AKAP9: variants seen among roughly 807,000 people sequenced by gnomAD.
AKAP9 encodes A-kinase anchor protein 9.
Under a neutral mutation model 488.5 loss-of-function variants are expected in AKAP9, and 311 were observed. That is an observed-to-expected ratio of 0.64 (90% CI 0.58 to 0.70). The LOEUF (loss-of-function observed/expected upper bound fraction) is 0.70, where lower values mean the gene tolerates loss of function less well. Ranked by LOEUF, AKAP9 falls within the 30% of genes least tolerant of loss-of-function variation. AKAP9 has a pLI of 0.00. For synonymous variants in AKAP9, 1,462 were observed against 1,483.5 expected, an observed-to-expected ratio of 0.99 and a Z score of 0.33; for missense variants, 4,215 against 4,374.5, an observed-to-expected ratio of 0.96 and a Z score of 1.03.
chr7:92,073,482 G>A (rs1362831101), intron 28 of AKAP9, among the ~76,000 whole-genome samples: 2 of 151,800 alleles, frequency 1.3e-5, no homozygotes, highest in Non-Finnish European at 2.9e-5. Flanking sequence ...CTCTAGCGTG[G>A]GCAACAGAGT....
chr7:91,992,068 C>T, intron 3 of AKAP9, 90 bp from the exon 4 acceptor site: 2 of 1,045,970 alleles, frequency 1.9e-6, no homozygotes, highest in Non-Finnish European at 3.0e-6. Context: ...GAATAAAAGA[C>T]ATACACGTGA....
chr7:92,098,309 TTA>T, intron 43 of AKAP9, 95 bp downstream of exon 43: 1 of 684,726 alleles, frequency 1.5e-6, no homozygotes, highest in Non-Finnish European at 2.5e-6. Flanking sequence ...TTTATACTCT[TTA>T]TAGAGTTTTA....
chr7:91,992,768 C>A, intron 4 of AKAP9, 117 bp from the exon 5 acceptor site: 3 of 922,194 alleles, frequency 3.3e-6, no homozygotes, highest in Non-Finnish European at 5.0e-6. Context: ...ATACCATAAT[C>A]TTCCAGGTGG....
chr7:92,023,240 T>C (rs1342500455), intron 14 of AKAP9, among the ~76,000 whole-genome samples: 2 of 152,238 alleles, frequency 1.3e-5, no homozygotes, highest in East Asian at 3.8e-4. Context: ...AATTTTTACA[T>C]TATAAAGATG....
intron 1 of AKAP9, among the ~76,000 whole-genome samples, chr7:91,951,888 A>T (rs1792300925): frequency 6.6e-6 from 1 of 152,112 alleles, no homozygotes; most frequent in South Asian, 2.1e-4. Flanking sequence ...AAATAAAAAT[A>T]AAAAATAAAA....
At chr7:92,073,828 A>C (rs375239454) in intron 28 of AKAP9, among the ~76,000 whole-genome samples, 1 of 152,202 alleles carries the variant, frequency 6.6e-6, no homozygotes, top group Non-Finnish European at 1.5e-5. Context: ...TGCACATGCA[A>C]ATCACCCAGG....
intron 7 of AKAP9, among the ~76,000 whole-genome samples, chr7:91,996,241 A>G (rs1465506234): frequency 6.6e-6 from 1 of 152,172 alleles, no homozygotes; most frequent in Non-Finnish European, 1.5e-5. Flanking sequence ...TATTTAGCAA[A>G]TAAGTTCTCT....
At chr7:92,046,536 G>A (rs1013208930) in intron 21 of AKAP9, among the ~76,000 whole-genome samples, 2 of 152,184 alleles carry the variant, frequency 1.3e-5, no homozygotes, top group African/African-American at 4.8e-5. Context: ...CACCTTAGCT[G>A]AGTTCAAAGA....
intron 28 of AKAP9, among the ~76,000 whole-genome samples, chr7:92,071,253 G>A (rs974652867): frequency 3.9e-5 from 6 of 152,138 alleles, no homozygotes; most frequent in Admixed American, 2.6e-4. Flanking sequence ...GACGAAGTTC[G>A]GAGGAACAGG....
At chr7:92,041,198 T>C (rs1437933476) in intron 18 of AKAP9, 1 of 332,110 alleles carries the variant, frequency 3.0e-6, no homozygotes, top group East Asian at 5.6e-5. Context: ...TTTGTTTTTT[T>C]CTTTTAAATC....
Position 92,061,794 on chromosome 7 carries a change from A to G in AKAP9, c.5764+372A>G, listed in dbSNP as rs540712326. ...TAAATTGTTAAAGGGCACAAATACC[A>G]TTACATAGTGATTCCAGGCTTTGAA... On this transcript the variant is annotated intron_variant, in intron 23 of 49. Coordinates refer to ENST00000356239, the MANE Select transcript of AKAP9 (RefSeq NM_005751.5). 5.3e-5 allele frequency among the ~76,000 whole-genome samples: 8 copies of G among 151,990 alleles called. No individual in the cohort carries two copies. In the South Asian group the frequency reaches 1.2e-3, roughly 24 times the overall value.
Position 92,022,329 on chromosome 7 carries a change from A to C in AKAP9, c.3929A>C (p.Gln1310Pro), listed in dbSNP as rs1802436398. The change falls in exon 13 of 50, where the codon CAG (glutamine) becomes CCG (proline). Residue 1310 changes from glutamine to proline, a missense_variant. Around this residue, in one of 5 missense-constraint regions of AKAP9, gnomAD observed 2,361 missense variants for 2,430.0 expected, o/e 0.97. Coordinates refer to ENST00000356239, the MANE Select transcript of AKAP9 (RefSeq NM_005751.5). ...EETEFLSIHS[Q>P]MTNLEDIDVN... Reference sequence around the variant, plus strand: ...ACAGAGTTTTTATCAATCCATTCTCAGATGACCAATTTGGAAGACATTGGT... The same window carrying C: ...ACAGAGTTTTTATCAATCCATTCTCCGATGACCAATTTGGAAGACATTGGT... The C allele has an allele frequency of 6.2e-7, 1 of 1,610,910 alleles. No individual in the cohort carries two copies. Among genetic ancestry groups the C allele is most frequent in the Admixed American group, 1.7e-5 (1 of 59,994 alleles).
At position 92,086,331 on chromosome 7, in the gene AKAP9, C is replaced by A; in HGVS notation, c.9128C>A (p.Ala3043Glu). 1 of 1,613,976 alleles carries A rather than the reference C, an allele frequency of 6.2e-7. No individual in the cohort carries two copies. The highest frequency in any genetic ancestry group is 8.5e-7 in the Non-Finnish European group (1 of 1,179,938). Reference sequence around the variant, plus strand: ...TTAGAAGAGCGTAGTGTTTTACTAGCAGCATTTCGGACGGAGCTGACAGCT... The same window carrying A: ...TTAGAAGAGCGTAGTGTTTTACTAGAAGCATTTCGGACGGAGCTGACAGCT... ...VFLEERSVLL[A>E]AFRTELTALG... The change falls in exon 37 of 50, where the codon GCA becomes GAA. Residue 3043 changes from alanine (A) to glutamate (E), a missense_variant. Physicochemically the swap from Ala to Glu is moderately radical, Grantham distance 107. Coordinates refer to ENST00000356239, the MANE Select transcript of AKAP9 (RefSeq NM_005751.5).
chr7:91,945,232 C>T (rs182623609), intron 1 of AKAP9, among the ~76,000 whole-genome samples: 55 of 151,884 alleles, frequency 3.6e-4, no homozygotes, highest in Admixed American at 3.0e-3. Flanking sequence ...ACAGGTGGGG[C>T]GCAGTGGCTC....
rs1247798331 is a variant in AKAP9, at chr7:92,109,517, T to C, written c.11687-605T>C. ...AAGACCAAAAGATTTTTCAAAAATG[T>C]ATGAGGTATAGAACATCCAACTTTG... On this transcript the variant is annotated intron_variant, in intron 49 of 49. Coordinates refer to ENST00000356239, the MANE Select transcript of AKAP9 (RefSeq NM_005751.5). Among the ~76,000 whole-genome samples the C allele has an allele frequency of 2.0e-5, 3 of 152,234 alleles. No individual in the cohort carries two copies. In the East Asian group the frequency reaches 5.8e-4, roughly 29 times the overall value.
intron 1 of AKAP9, among the ~76,000 whole-genome samples, chr7:91,967,520 T>C (rs941418218): frequency 6.6e-6 from 1 of 152,216 alleles, no homozygotes; most frequent in Non-Finnish European, 1.5e-5. Context: ...TAAAGGCATG[T>C]TGAATTTTAA....
At chr7:92,042,248 C>T in intron 19 of AKAP9, 62 bp downstream of exon 19, 1 of 1,605,226 alleles carries the variant, frequency 6.2e-7, no homozygotes, top group South Asian at 1.1e-5. Context: ...ATTTGTTTGT[C>T]TTTGTTGTTG....
intron 16 of AKAP9, among the ~76,000 whole-genome samples, chr7:92,034,808 C>A (rs73407508): frequency 0.035 from 5,241 of 151,872 alleles, 266 homozygotes; most frequent in African/African-American, 0.12. Flanking sequence ...CTGTAGTATT[C>A]TTTTATCATT....
At chr7:92,102,168 A>AT (rs1342801574) in intron 45 of AKAP9, among the ~76,000 whole-genome samples, 47,727 of 132,880 alleles carry the variant, frequency 0.36, 8,474 homozygotes, top group African/African-American at 0.44. Flanking sequence ...AAATTTAAAA[A>AT]AAAAATAAAT....
Sources: gnomAD v4.1 joint callset for allele counts (sites outside exome capture counted in the v4.1 genomes callset) on GRCh38, gnomAD v4.1.1 for gene constraint, gnomAD v4.1.1 regional missense constraint, MANE v1.5 for transcripts, NCBI Gene and HGNC (gene_info 2026-07-23, HGNC 2026-07-21) for gene names.